FARP1: variants seen among roughly 807,000 people sequenced by gnomAD.
The protein encoded by FARP1 is FERM, ARHGEF and pleckstrin domain-containing protein 1.
In FARP1, 52 loss-of-function variants were observed where a neutral mutation model predicts 128.8. That is an observed-to-expected ratio of 0.40 (90% CI 0.32 to 0.51). The LOEUF (loss-of-function observed/expected upper bound fraction) is 0.51. Ranked by LOEUF, FARP1 falls within the 20% of genes least tolerant of loss-of-function variation. The pLI is 0.45. For synonymous variants in FARP1, 580 were observed against 551.8 expected, an observed-to-expected ratio of 1.05 and a Z score of -0.72; for missense variants, 1,333 against 1,367.9, an observed-to-expected ratio of 0.97 and a Z score of 0.40.
chr13:98,284,278 A>G (rs1024634744), intron 2 of FARP1, among the ~76,000 whole-genome samples: 7 of 152,172 alleles, frequency 4.6e-5, no homozygotes, highest in Non-Finnish European at 8.8e-5. Context: ...GCCCAGGGAA[A>G]CCAAAAGATT....
chr13:98,370,000 T>C (rs991238581), intron 5 of FARP1, among the ~76,000 whole-genome samples: 1 of 152,170 alleles, frequency 6.6e-6, no homozygotes, highest in Non-Finnish European at 1.5e-5. Context: ...AGTGCAGTGA[T>C]GAAAAGACAA....
chr13:98,400,085 A>T (rs1890699699), intron 13 of FARP1: 1 of 152,182 alleles, frequency 6.6e-6, no homozygotes. Context: ...ATCTCCCCCC[A>T]ATTGTGCCAT....
chr13:98,301,736 C>G (rs1163811758), intron 2 of FARP1, among the ~76,000 whole-genome samples: 1 of 152,106 alleles, frequency 6.6e-6, no homozygotes, highest in Non-Finnish European at 1.5e-5. Flanking sequence ...TGAAAACACA[C>G]AGAGGGATAC....
At chr13:98,162,780 G>A (rs1475921977) in intron 1 of FARP1, among the ~76,000 whole-genome samples, 1 of 152,186 alleles carries the variant, frequency 6.6e-6, no homozygotes, top group African/African-American at 2.4e-5. Context: ...GAGGCGCCTT[G>A]CAAGTCAGGA....
chr13:98,411,822 G>T, intron 15 of FARP1, 79 bp from the exon 16 acceptor site: 1 of 1,498,468 alleles, frequency 6.7e-7, no homozygotes, highest in African/African-American at 1.4e-5. Context: ...GCATTTGGCT[G>T]CATGTGACTT....
At chr13:98,428,391 C>T (rs1891870068) in intron 17 of FARP1, among the ~76,000 whole-genome samples, 1 of 152,122 alleles carries the variant, frequency 6.6e-6, no homozygotes, top group South Asian at 2.1e-4. Flanking sequence ...GTACCTCTTT[C>T]TGACACTTCT....
At chr13:98,419,172 A>C (rs958559188) in intron 16 of FARP1, among the ~76,000 whole-genome samples, 4 of 152,154 alleles carry the variant, frequency 2.6e-5, no homozygotes, top group African/African-American at 4.8e-5. Flanking sequence ...GCTGATACAT[A>C]TGTCATACAC....
intron 16 of FARP1, among the ~76,000 whole-genome samples, chr13:98,420,096 T>G (rs1242858657): frequency 6.6e-6 from 1 of 151,986 alleles, no homozygotes; most frequent in Non-Finnish European, 1.5e-5. Flanking sequence ...TAGAGGACAG[T>G]TGGGAGATTT....
At chr13:98,286,215 G>A (rs1306794767) in intron 2 of FARP1, among the ~76,000 whole-genome samples, 1 of 152,028 alleles carries the variant, frequency 6.6e-6, no homozygotes, top group Non-Finnish European at 1.5e-5. Flanking sequence ...CCTGCGTCTC[G>A]TTATCTGCCC....
chr13:98,178,189 ATTTTTTTTT>A (rs57310501), intron 1 of FARP1, among the ~76,000 whole-genome samples: 8 of 112,990 alleles, frequency 7.1e-5, no homozygotes, highest in African/African-American at 2.3e-4. Flanking sequence ...ATCATTTTTA[ATTTTTTTTT>A]TTTTTTTTTT....
chr13:98,313,086 C>T (rs1886548663), intron 2 of FARP1, among the ~76,000 whole-genome samples: 1 of 151,176 alleles, frequency 6.6e-6, no homozygotes, highest in Non-Finnish European at 1.5e-5. Context: ...AGTGAAGTCA[C>T]TCTGGAATCG....
At chr13:98,304,148 T>A (rs956295693) in intron 2 of FARP1, among the ~76,000 whole-genome samples, 4 of 152,074 alleles carry the variant, frequency 2.6e-5, no homozygotes, top group Non-Finnish European at 5.9e-5. Flanking sequence ...ATGGGTAGAT[T>A]CATCTTGGTG....
chr13:98,215,854 G>C (rs553998787), intron 2 of FARP1, among the ~76,000 whole-genome samples: 14 of 151,366 alleles, frequency 9.2e-5, no homozygotes, highest in Admixed American at 1.3e-4. Flanking sequence ...GCAGTGGTGC[G>C]ATCTCAGCTC....
chr13:98,227,234 G>A (rs1594294387), intron 2 of FARP1, among the ~76,000 whole-genome samples: 1 of 152,130 alleles, frequency 6.6e-6, no homozygotes, highest in Non-Finnish European at 1.5e-5. Context: ...GAGCCACCGC[G>A]CCCTGGCCTC....
intron 2 of FARP1, among the ~76,000 whole-genome samples, chr13:98,299,390 A>G (rs4771301): frequency 0.34 from 51,624 of 152,076 alleles, 8,839 homozygotes; most frequent in Admixed American, 0.38. Context: ...GGCTGGCTCT[A>G]TTTGAAAGAT....
intron 2 of FARP1, among the ~76,000 whole-genome samples, chr13:98,216,338 AGCTCCCCAGTCTT>A (rs762738600): frequency 2.0e-5 from 3 of 152,200 alleles, no homozygotes; most frequent in Non-Finnish European, 4.4e-5. Context: ...TGAGAGACTC[AGCTCCCCAGTCTT>A]GCTTTAAAAC....
In FARP1 at chr13:98,385,946, C is replaced by G. The variant is rs565339764; in HGVS notation, c.759+132C>G. ...TTTCGGCGAACAAAGAAAAATTAACCTCATCTCAGGCTTTCTGTTTCCCAG... is the reference window on the plus strand; with the variant it reads ...TTTCGGCGAACAAAGAAAAATTAACGTCATCTCAGGCTTTCTGTTTCCCAG... On this transcript the variant is annotated intron_variant, in intron 8 of 26. Transcript: ENST00000319562. The G allele has an allele frequency of 2.4e-5, 22 of 910,830 alleles. No homozygotes were observed. The South Asian group carries it at 3.8e-4, about 16-fold the overall frequency. The allele number at this position is 910,830 out of a possible 1,614,324, so 56.4% of individuals were successfully genotyped here. A position where few individuals can be genotyped will look rare whatever the true frequency, so the allele number is the denominator to read the frequency against.
chr13:98,435,484 G>C, intron 18 of FARP1, 92 bp from the exon 19 acceptor site: 5 of 1,309,368 alleles, frequency 3.8e-6, no homozygotes, highest in Non-Finnish European at 5.3e-6. Context: ...AGGGACTGGA[G>C]TGATTTCCCT....
intron 2 of FARP1, among the ~76,000 whole-genome samples, chr13:98,272,042 C>A (rs1458589217): frequency 6.6e-6 from 1 of 150,762 alleles, no homozygotes; most frequent in Non-Finnish European, 1.5e-5. Flanking sequence ...TTTTCTTTTT[C>A]TTTTTGAGGT....
Sources: gnomAD v4.1 joint callset for allele counts (sites outside exome capture counted in the v4.1 genomes callset) on GRCh38, gnomAD v4.1.1 for gene constraint, MANE v1.5 for transcripts, NCBI Gene and HGNC (gene_info 2026-07-23, HGNC 2026-07-21) for gene names.